Variants in TAFA5 observed in about 807,000 individuals in gnomAD.
TAFA5 encodes TAFA chemokine like family member 5.
Under a neutral mutation model 15.3 loss-of-function variants are expected in TAFA5, and 6 were observed. The observed-to-expected ratio is 0.39, with a 90% confidence interval of 0.21 to 0.77. The LOEUF (loss-of-function observed/expected upper bound fraction) is 0.77, where lower values mean the gene tolerates loss of function less well. TAFA5 is among the 30% of genes least tolerant of loss of function. The probability of loss-of-function intolerance (pLI) is 0.41; values close to 1 mark genes in which losing one functional copy is unlikely to be tolerated. For missense variants in TAFA5, 161 were observed against 193.1 expected (o/e 0.83, Z 0.98); for synonymous variants, 103 against 80.7 (o/e 1.28, Z -1.48).
At chr22:48,568,750 G>A (rs889352066) in intron 1 of TAFA5, among the ~76,000 whole-genome samples, 3 of 152,112 alleles carry the variant, frequency 2.0e-5, no homozygotes, top group Admixed American at 1.3e-4. Context: ...CTCCCCCCAC[G>A]AAGCCCATTG....
At chr22:48,727,045 C>CA (rs1929736961) in intron 3 of TAFA5, among the ~76,000 whole-genome samples, 1 of 152,110 alleles carries the variant, frequency 6.6e-6, no homozygotes, top group Non-Finnish European at 1.5e-5. Flanking sequence ...TTTATCATAC[C>CA]ACCTACATAC....
chr22:48,490,532 C>T lies in TAFA5; in HGVS notation c.112+828C>T, dbSNP rs1203178645. Among the ~76,000 whole-genome samples, 2 of 151,876 alleles carry T rather than the reference C, an allele frequency of 1.3e-5. No homozygotes were observed. The highest frequency in any genetic ancestry group is 3.9e-4 in the East Asian group (2 of 5,100). On this transcript the variant is annotated intron_variant, in intron 1 of 3. Coordinates refer to ENST00000402357, the MANE Select transcript of TAFA5 (RefSeq NM_001082967.3). The surrounding 1 kb of genome is among the most constrained non-coding windows in gnomAD (Gnocchi z 5.8). ...GGGTGGTTGGAGTCCCGGGTGCAGA[C>T]TCCAGCCTCGGCGCTGGGGAGGGTG...
At chr22:48,644,642 C>T (rs1197051557) in intron 1 of TAFA5, among the ~76,000 whole-genome samples, 1 of 152,230 alleles carries the variant, frequency 6.6e-6, no homozygotes, top group Non-Finnish European at 1.5e-5. Context: ...TCTGCCCTGG[C>T]CAGGGTGCTG....
chr22:48,542,138 T>TGTGTGTGTGTGTG (rs1491557476), intron 1 of TAFA5, among the ~76,000 whole-genome samples: 11,748 of 128,070 alleles, frequency 0.092, 573 homozygotes, highest in Middle Eastern at 0.13. Context: ...GTGATGTGTA[T>TGTGTGTGTGTGTG]GTGTGTGTGT....
At chr22:48,679,061 C>G (rs1928081897) in intron 2 of TAFA5, among the ~76,000 whole-genome samples, 1 of 140,288 alleles carries the variant, frequency 7.1e-6, no homozygotes. Flanking sequence ...CCCTCCATCC[C>G]TCTCCCGTCT....
At chr22:48,714,564 G>A (rs948153866) in intron 3 of TAFA5, among the ~76,000 whole-genome samples, 1 of 152,172 alleles carries the variant, frequency 6.6e-6, no homozygotes. Context: ...CCTGGGCGGC[G>A]TTGGACCCTG....
At chr22:48,523,640 G>A (rs1333498042) in intron 1 of TAFA5, among the ~76,000 whole-genome samples, 2 of 152,174 alleles carry the variant, frequency 1.3e-5, no homozygotes, top group East Asian at 3.9e-4. Flanking sequence ...ACTGACCCCA[G>A]CCCCTCTGTG....
chr22:48,712,401 G>C (rs1929280466), intron 3 of TAFA5, among the ~76,000 whole-genome samples: 1 of 152,230 alleles, frequency 6.6e-6, no homozygotes, highest in African/African-American at 2.4e-5. Flanking sequence ...CCATTAGTGG[G>C]TTGTGAAATT....
chr22:48,680,491 G>A (rs969772843), intron 2 of TAFA5, among the ~76,000 whole-genome samples: 10 of 143,996 alleles, frequency 6.9e-5, no homozygotes, highest in Admixed American at 2.7e-4. Context: ...AAGAGGTGAC[G>A]GCAGCACACT....
chr22:48,551,574 A>T (rs561450283), intron 1 of TAFA5, among the ~76,000 whole-genome samples: 39 of 152,280 alleles, frequency 2.6e-4, no homozygotes, highest in African/African-American at 9.4e-4. Flanking sequence ...TTTGGCTTAA[A>T]GTTCAGCTCT....
At chr22:48,621,302 C>A (rs1176007061) in intron 1 of TAFA5, among the ~76,000 whole-genome samples, 1 of 150,086 alleles carries the variant, frequency 6.7e-6, no homozygotes, top group Non-Finnish European at 1.5e-5. Flanking sequence ...ATTTATCCAT[C>A]CTTCCATCCA....
At chr22:48,642,817 G>C (rs1172022574) in intron 1 of TAFA5, among the ~76,000 whole-genome samples, 1 of 152,082 alleles carries the variant, frequency 6.6e-6, no homozygotes. Context: ...GTGTGCACGT[G>C]TGTGGTGTGT....
chr22:48,639,314 T>C (rs1926590977), intron 1 of TAFA5, among the ~76,000 whole-genome samples: 1 of 152,232 alleles, frequency 6.6e-6, no homozygotes, highest in South Asian at 2.1e-4. Context: ...TGCACCTTGT[T>C]TTTGGTCTGA....
chr22:48,627,097 C>T (rs1926049183), intron 1 of TAFA5, among the ~76,000 whole-genome samples: 1 of 152,206 alleles, frequency 6.6e-6, no homozygotes, highest in African/African-American at 2.4e-5. Flanking sequence ...TGCCGGGATA[C>T]ACACCAAGGC....
At chr22:48,730,413 A>G (rs993579867) in intron 3 of TAFA5, among the ~76,000 whole-genome samples, 1 of 152,048 alleles carries the variant, frequency 6.6e-6, no homozygotes, top group Non-Finnish European at 1.5e-5. Context: ...AGAAAAGGCC[A>G]CATGCAGTGC....
intron 3 of TAFA5, among the ~76,000 whole-genome samples, chr22:48,714,584 C>T (rs1466519113): frequency 6.6e-6 from 1 of 152,212 alleles, no homozygotes; most frequent in African/African-American, 2.4e-5. Flanking sequence ...GCAGCGGAAA[C>T]ACAGCCAAGC....
At chr22:48,667,708 C>T (rs1927664313) in intron 2 of TAFA5, among the ~76,000 whole-genome samples, 1 of 152,012 alleles carries the variant, frequency 6.6e-6, no homozygotes, top group Non-Finnish European at 1.5e-5. Flanking sequence ...GACTTTCTGT[C>T]ATGAGCATGG....
intron 2 of TAFA5, among the ~76,000 whole-genome samples, chr22:48,654,929 C>T (rs1376077015): frequency 5.3e-5 from 8 of 152,080 alleles, no homozygotes; most frequent in East Asian, 1.9e-4. Flanking sequence ...GAGGAGGGGC[C>T]GTGGTGGGGC....
intron 3 of TAFA5, among the ~76,000 whole-genome samples, chr22:48,713,966 G>A (rs568907597): frequency 3.9e-5 from 6 of 152,346 alleles, no homozygotes; most frequent in African/African-American, 1.2e-4. Flanking sequence ...CACCCCCAGC[G>A]TGAAGAAGGA....
Sources: gnomAD v4.1 joint callset for allele counts (sites outside exome capture counted in the v4.1 genomes callset) on GRCh38, gnomAD v4.1.1 for gene constraint, Gnocchi (gnomAD v3.1) non-coding constraint, MANE v1.5 for transcripts, NCBI Gene and HGNC (gene_info 2026-07-23, HGNC 2026-07-21) for gene names.